The following C17orf107 variants were observed in gnomAD, a reference collection of about 807,000 sequenced individuals.
C17orf107 encodes uncharacterized protein C17orf107.
Under a neutral mutation model 8.9 loss-of-function variants are expected in C17orf107, and 9 were observed. The ratio of observed to expected loss-of-function variants is 1.02; its 90% confidence interval spans 0.61 to 1.77. The LOEUF is 1.77. C17orf107 is among the 40% of genes most tolerant of loss of function. C17orf107 has a pLI of 0.00. For missense variants in C17orf107, 281 were observed against 249.0 expected, an observed-to-expected ratio of 1.13 and a Z score of -0.86; for synonymous variants, 139 against 120.3, an observed-to-expected ratio of 1.16 and a Z score of -1.02.
chr17:4,906,547 A>G (rs558125285), downstream of C17orf107, among the ~76,000 whole-genome samples: 195 of 152,318 alleles, frequency 1.3e-3, no homozygotes, highest in Non-Finnish European at 1.6e-3. Context: ...GACGCTTCTC[A>G]AAATAAGACA....
Position 4,901,183 on chromosome 17 carries a change from G to T in C17orf107, c.*650G>T, listed in dbSNP as rs912870458. On this transcript the variant is annotated 3_prime_UTR_variant, in exon 3 of 3. Transcript: ENST00000381365. ...CCGGGCAGAAGTCGATGGCCCACTCGCCGTTCTCTGCGGGACGGGGGCACG... is the reference window on the plus strand; with the variant it reads ...CCGGGCAGAAGTCGATGGCCCACTCTCCGTTCTCTGCGGGACGGGGGCACG... 6.2e-7 allele frequency: 1 copy of T among 1,604,128 alleles called. No individual in the cohort carries two copies. Among genetic ancestry groups the T allele is most frequent in the African/African-American group, 1.3e-5 (1 of 75,028 alleles).
chr17:4,899,983 C>T lies in C17orf107; in HGVS notation c.114C>T (p.Ala38=), dbSNP rs1448968297. The change falls in exon 2 of 3, where the codon GCC becomes GCT. Residue 38 remains alanine (A), a synonymous_variant. Transcript: ENST00000381365. ...TGTCTTCCCTGGAACTCTCCGTGGC[C>T]GCAGCCCATGAATATCTGGAGCAGA... The part of the protein sequence containing the change: ...PLLSSLELSV[A]AAHEYLEQRF... 2 of 1,551,410 alleles carry T rather than the reference C, an allele frequency of 1.3e-6. No homozygotes were observed. The highest frequency in any genetic ancestry group is 1.4e-5 in the African/African-American group (1 of 73,044).
rs1350353226 is a variant in C17orf107, at chr17:4,902,700, G to C, written c.*2167G>C. On this transcript the variant is annotated 3_prime_UTR_variant, in exon 3 of 3. Transcript: ENST00000381365. The surrounding 1 kb of genome is among the most constrained non-coding windows in gnomAD (Gnocchi z 4.0). ...AGGCTCCCGCACTGGCCGGCTTCCT[G>C]GGTCATAGTTGTTGAAGAGATGGTG... The C allele has an allele frequency of 1.9e-6, 3 of 1,614,092 alleles. No homozygotes were observed. The South Asian group carries it at 3.3e-5, about 18-fold the overall frequency.
chr17:4,904,354 C>T (rs960044756), downstream of C17orf107, among the ~76,000 whole-genome samples: 1 of 151,828 alleles, frequency 6.6e-6, no homozygotes, highest in East Asian at 1.9e-4. Flanking sequence ...TGAGCCACCA[C>T]GCCCGGCCTC....
At position 4,901,204 on chromosome 17, in the gene C17orf107, G is replaced by GCA. The variant is rs757313173; in HGVS notation, c.*673_*674dup. ...ACTCGCCGTTCTCTGCGGGACGGGG[G>GCA]CACGGTCAGCTGGCTGTCAGAGCGG... On this transcript the variant is annotated 3_prime_UTR_variant, in exon 3 of 3. Coordinates refer to ENST00000381365, the MANE Select transcript of C17orf107 (RefSeq NM_001145536.2). 6.3e-7 allele frequency: 1 copy of GCA among 1,598,292 alleles called. No homozygotes were observed. Among genetic ancestry groups the GCA allele is most frequent in the Admixed American group, 1.7e-5 (1 of 59,854 alleles).
Position 4,902,052 on chromosome 17 carries a change from T to G in C17orf107, c.*1519T>G, listed in dbSNP as rs1597621555. On this transcript the variant is annotated 3_prime_UTR_variant, in exon 3 of 3. Transcript: ENST00000381365. This position sits in a 1 kb window ranked among gnomAD's most constrained non-coding sequence, Gnocchi z 4.0. ...GGAGCCGCCCTCGTAGACGAGCACGTTGGCGTCGTAGGCCACTCCGAACTG... is the reference window on the plus strand; with the variant it reads ...GGAGCCGCCCTCGTAGACGAGCACGGTGGCGTCGTAGGCCACTCCGAACTG... 2 of 1,614,066 alleles carry G rather than the reference T, an allele frequency of 1.2e-6. No individual in the cohort carries two copies. Among genetic ancestry groups the G allele is most frequent in the Non-Finnish European group, 8.5e-7 (1 of 1,180,038 alleles).
At chr17:4,903,118 T>C, downstream of C17orf107, 2 of 1,591,140 alleles carry the variant, frequency 1.3e-6, no homozygotes, top group Non-Finnish European at 1.7e-6. Flanking sequence ...GGAGGGGGCA[T>C]GCCAGGGTGC....
At chr17:4,904,003 G>A (rs139853023), downstream of C17orf107, among the ~76,000 whole-genome samples, 1,627 of 152,126 alleles carry the variant, frequency 0.011, 13 homozygotes, top group Middle Eastern at 0.048. Flanking sequence ...GACTACAGGC[G>A]CATGCCACCA....
downstream of C17orf107, chr17:4,903,071 C>T (rs77481135): frequency 6.4e-3 from 10,355 of 1,613,906 alleles, 552 homozygotes; most frequent in African/African-American, 0.11. Flanking sequence ...CATCCTGCTG[C>T]GTGGTTCTCA....
chr17:4,905,621 G>A (rs925785714), downstream of C17orf107, among the ~76,000 whole-genome samples: 8 of 151,882 alleles, frequency 5.3e-5, no homozygotes, highest in African/African-American at 1.9e-4. Flanking sequence ...AGCACTTTGG[G>A]AGGCCAAGGC....
Position 4,899,830 on chromosome 17 carries a change from T to C in C17orf107, c.66+2T>C, listed in dbSNP as rs1969904014. 6.4e-7 allele frequency: 1 copy of C among 1,550,934 alleles called. No individual in the cohort carries two copies. Among genetic ancestry groups the C allele is most frequent in the Non-Finnish European group, 8.7e-7 (1 of 1,146,934 alleles). On this transcript the variant is annotated splice_donor_variant, in intron 1 of 2. Coordinates refer to ENST00000381365, the MANE Select transcript of C17orf107 (RefSeq NM_001145536.2). LOFTEE classifies it high-confidence loss of function. Reference sequence around the variant, plus strand: ...TACCACTTCCACAGCTCCACCGAGGTGAGGCTACGCCCGCCAAGGGCTGCA... The same window carrying C: ...TACCACTTCCACAGCTCCACCGAGGCGAGGCTACGCCCGCCAAGGGCTGCA...
Position 4,901,784 on chromosome 17 carries a change from C to T in C17orf107, c.*1251C>T. ...CCTCTGTTCCCATCTGTACCTCCGG[C>T]CGCGCTGGAGCGTCCCACCCAGTGC... On this transcript the variant is annotated 3_prime_UTR_variant, in exon 3 of 3. Transcript: ENST00000381365. 1 of 1,329,748 alleles carries T rather than the reference C, an allele frequency of 7.5e-7. No individual in the cohort carries two copies. Among genetic ancestry groups the T allele is most frequent in the Non-Finnish European group, 1.1e-6 (1 of 939,844 alleles). The allele number at this position is 1,329,748 out of a possible 1,614,324, so 82.4% of individuals were successfully genotyped here. A position where few individuals can be genotyped will look rare whatever the true frequency, so the allele number is the denominator to read the frequency against.
chr17:4,899,624 A>G lies in C17orf107; in HGVS notation c.-139A>G. On this transcript the variant is annotated 5_prime_UTR_variant, in exon 1 of 3. Transcript: ENST00000381365. ...GCATGACATCACCGTTCCTCCTCCC[A>G]GCTACCGAAGGCGCCGCGCGCTGAC... is the stretch of plus-strand genomic sequence containing the variant. 6.7e-7 allele frequency: 1 copy of G among 1,497,962 alleles called. No individual in the cohort carries two copies. The highest frequency in any genetic ancestry group is 9.1e-7 in the Non-Finnish European group (1 of 1,097,766). 92.8% of individuals were successfully genotyped at this position (1,497,962 alleles called of 1,614,324 possible).
At chr17:4,905,516 G>T (rs190351623), downstream of C17orf107, among the ~76,000 whole-genome samples, 1 of 152,096 alleles carries the variant, frequency 6.6e-6, no homozygotes, top group African/African-American at 2.4e-5. Flanking sequence ...AGTGAGCTAC[G>T]ATCACACTAC....
Position 4,902,660 on chromosome 17 carries a change from G to A in C17orf107, c.*2127G>A, listed in dbSNP as rs2151098879. ...TCGTCAGGGTGACCTTGAGGCTGAT[G>A]GTGACAGTATCCTCAGGCTCCCGCA... On this transcript the variant is annotated 3_prime_UTR_variant, in exon 3 of 3. Coordinates refer to ENST00000381365, the MANE Select transcript of C17orf107 (RefSeq NM_001145536.2). This position sits in a 1 kb window ranked among gnomAD's most constrained non-coding sequence, Gnocchi z 4.0. The A allele has an allele frequency of 6.2e-7, 1 of 1,614,010 alleles. No individual in the cohort carries two copies. The highest frequency in any genetic ancestry group is 8.5e-7 in the Non-Finnish European group (1 of 1,179,978).
At position 4,900,257 on chromosome 17, in the gene C17orf107, G is replaced by A; in HGVS notation, c.297G>A (p.Gln99=). Residue 99 remains glutamine, a synonymous_variant, in exon 3 of 3, where the codon CAG becomes CAA. Coordinates refer to ENST00000381365, the MANE Select transcript of C17orf107 (RefSeq NM_001145536.2). ...TGCAGATCTCAGCCCTGTGGCTGCA[G>A]CAGGAGGCGCGGCGACTAGACGGCA... ...TLLEISALWL[Q]QEARRLDGSA... is the part of the protein sequence containing the mutation. The A allele has an allele frequency of 1.9e-6, 3 of 1,546,652 alleles. No individual in the cohort carries two copies. The highest frequency in any genetic ancestry group is 2.6e-6 in the Non-Finnish European group (3 of 1,146,638).
rs894382905 is a variant in C17orf107, at chr17:4,902,060, G to A, written c.*1527G>A. On this transcript the variant is annotated 3_prime_UTR_variant, in exon 3 of 3. Transcript: ENST00000381365. The surrounding 1 kb of genome is among the most constrained non-coding windows in gnomAD (Gnocchi z 4.0). The stretch of plus-strand genomic sequence containing the variant: ...CCTCGTAGACGAGCACGTTGGCGTC[G>A]TAGGCCACTCCGAACTGGCCATCAA... 3.1e-6 allele frequency: 5 copies of A among 1,613,940 alleles called. No homozygotes were observed. Among genetic ancestry groups the A allele is most frequent in the African/African-American group, 2.7e-5 (2 of 74,926 alleles).
At position 4,900,058 on chromosome 17, in the gene C17orf107, G is replaced by C. The variant is rs1174757023; in HGVS notation, c.189G>C (p.Gly63=). Residue 63 remains glycine (G), a synonymous_variant, in exon 2 of 3, where the codon GGG becomes GGC. Coordinates refer to ENST00000381365, the MANE Select transcript of C17orf107 (RefSeq NM_001145536.2). ...AGCCACCCGAACCGAAGATGCAGGG[G>C]ATGCTGCCTGCCCCGAAGCCCACCC... The part of the protein sequence containing the change: ...SLEPPEPKMQ[G]MLPAPKPTLG... 3 of 1,551,094 alleles carry C rather than the reference G, an allele frequency of 1.9e-6. No homozygotes were observed. Among genetic ancestry groups the C allele is most frequent in the Non-Finnish European group, 2.6e-6 (3 of 1,147,006 alleles).
Position 4,900,769 on chromosome 17 carries a change from C to A in C17orf107, c.*236C>A, listed in dbSNP as rs759470814. 4.4e-6 allele frequency: 7 copies of A among 1,602,794 alleles called. No homozygotes were observed. In the South Asian group the frequency reaches 7.8e-5, roughly 18 times the overall value. On this transcript the variant is annotated 3_prime_UTR_variant, in exon 3 of 3. Transcript: ENST00000381365. ...GCCCCCACCCTTCACACTGGCCACA[C>A]CCCCGCGGGGGCTCCGGCTTCACCT...
Sources: gnomAD v4.1 joint callset for allele counts (sites outside exome capture counted in the v4.1 genomes callset) on GRCh38, gnomAD v4.1.1 for gene constraint, Gnocchi (gnomAD v3.1) non-coding constraint, MANE v1.5 for transcripts, NCBI Gene and HGNC (gene_info 2026-07-23, HGNC 2026-07-21) for gene names.